Variants in CAST observed in about 807,000 individuals in gnomAD.
CAST encodes the protein MIR583 host.
CAST carries 76 observed loss-of-function variants against 119.6 expected under a neutral mutation model. That is an observed-to-expected ratio of 0.64 (90% CI 0.53 to 0.77). CAST has a LOEUF of 0.77. Ranked by LOEUF, CAST falls within the 30% of genes least tolerant of loss-of-function variation. The probability of loss-of-function intolerance (pLI) is 0.00; values close to 1 mark genes in which losing one functional copy is unlikely to be tolerated. For missense variants in CAST, 953 were observed against 946.5 expected (o/e 1.01, Z -0.09); for synonymous variants, 319 against 331.6 (o/e 0.96, Z 0.41).
At chr5:96,400,208 G>C in the CAST span, 5 of 1,536,484 alleles carry the variant, frequency 3.3e-6, no homozygotes, top group African/African-American at 5.4e-5. Context: ...GTGACCCAAA[G>C]TGTCTTTCAG....
intron 1 of CAST, among the ~76,000 whole-genome samples, chr5:96,551,754 G>A (rs1746130762): frequency 6.6e-6 from 1 of 151,972 alleles, no homozygotes; most frequent in Non-Finnish European, 1.5e-5. Flanking sequence ...GCAAGAAAAA[G>A]CAGGGGTTGC....
the CAST span, among the ~76,000 whole-genome samples, chr5:96,284,227 A>G: frequency 3.9e-5 from 6 of 152,332 alleles, no homozygotes; most frequent in African/African-American, 1.2e-4. Context: ...AAAAAGATCA[A>G]TTTGTGCCTC....
chr5:96,247,223 T>C, the CAST span, among the ~76,000 whole-genome samples: 1 of 152,214 alleles, frequency 6.6e-6, no homozygotes, highest in African/African-American at 2.4e-5. Flanking sequence ...CAGGCGGTGG[T>C]ACTAAATAGC....
At chr5:96,281,256 G>T in the CAST span, among the ~76,000 whole-genome samples, 2 of 152,166 alleles carry the variant, frequency 1.3e-5, no homozygotes, top group African/African-American at 2.4e-5. Flanking sequence ...AAGTAAATAG[G>T]CTGGCTTATT....
chr5:96,479,726 G>A, the CAST span, among the ~76,000 whole-genome samples: 2 of 152,076 alleles, frequency 1.3e-5, no homozygotes, highest in Non-Finnish European at 2.9e-5. Context: ...GGGATTACAG[G>A]TGTGAGCCAT....
the CAST span, among the ~76,000 whole-genome samples, chr5:96,107,784 G>T: frequency 1.3e-5 from 2 of 152,180 alleles, no homozygotes. Flanking sequence ...TTGTTAGATT[G>T]GGGAAGTTCT....
At chr5:96,734,381 G>T (rs531912936) in intron 9 of CAST, among the ~76,000 whole-genome samples, 1 of 152,358 alleles carries the variant, frequency 6.6e-6, no homozygotes, top group South Asian at 2.1e-4. Flanking sequence ...CAGTTAGGTG[G>T]ATGGGATAGA....
chr5:96,136,114 T>G, the CAST span, among the ~76,000 whole-genome samples: 1 of 152,214 alleles, frequency 6.6e-6, no homozygotes, highest in Non-Finnish European at 1.5e-5. Context: ...TTATTTGTAA[T>G]TCTTCTCTCA....
the CAST span, among the ~76,000 whole-genome samples, chr5:96,205,388 G>T: frequency 1.3e-5 from 2 of 152,034 alleles, no homozygotes; most frequent in Admixed American, 1.3e-4. Flanking sequence ...TGTGTTATGG[G>T]AGGGTAGTGT....
chr5:96,365,386 T>G, the CAST span, among the ~76,000 whole-genome samples: 3,166 of 152,286 alleles, frequency 0.021, 107 homozygotes, highest in African/African-American at 0.072. Flanking sequence ...CCTTGTTAAC[T>G]TTCTGTCTCG....
At chr5:96,632,768 C>T (rs6872743) in intron 1 of CAST, among the ~76,000 whole-genome samples, 3,567 of 151,924 alleles carry the variant, frequency 0.023, 50 homozygotes, top group Non-Finnish European at 0.026. Context: ...TGTGTGGACT[C>T]GCAGTTCTAT....
At chr5:96,710,567 A>G (rs2150355603) in intron 3 of CAST, among the ~76,000 whole-genome samples, 1 of 152,210 alleles carries the variant, frequency 6.6e-6, no homozygotes, top group Non-Finnish European at 1.5e-5. Context: ...TCTACCCGTT[A>G]TGTCAAGAAC....
chr5:96,669,703 C>G (rs1358120496), intron 1 of CAST, among the ~76,000 whole-genome samples: 1 of 152,172 alleles, frequency 6.6e-6, no homozygotes. Flanking sequence ...ACTGACCAAT[C>G]AGAGTTTACC....
At chr5:96,311,997 T>C in the CAST span, among the ~76,000 whole-genome samples, 1 of 152,100 alleles carries the variant, frequency 6.6e-6, no homozygotes, top group African/African-American at 2.4e-5. Context: ...GTTTCTTTTT[T>C]TCTCTCTTGC....
At chr5:96,324,149 T>C in the CAST span, among the ~76,000 whole-genome samples, 1 of 152,236 alleles carries the variant, frequency 6.6e-6, no homozygotes. Context: ...CTGATCTTTA[T>C]TTAATTCACC....
the CAST span, among the ~76,000 whole-genome samples, chr5:96,385,660 C>T: frequency 1.3e-5 from 2 of 152,118 alleles, no homozygotes; most frequent in South Asian, 2.1e-4. Flanking sequence ...TTTCAAATAA[C>T]AGAAAAGAAT....
chr5:96,709,721 C>T (rs984516299), intron 3 of CAST, among the ~76,000 whole-genome samples: 1 of 152,326 alleles, frequency 6.6e-6, no homozygotes, highest in Middle Eastern at 3.4e-3. Context: ...TCACTCTACA[C>T]ATGTTTTCAT....
the CAST span, among the ~76,000 whole-genome samples, chr5:96,068,881 A>G: frequency 6.6e-6 from 1 of 151,482 alleles, no homozygotes. Context: ...ATATACATAT[A>G]TACATACACC....
chr5:96,378,995 A>G, the CAST span, among the ~76,000 whole-genome samples: 1 of 152,182 alleles, frequency 6.6e-6, no homozygotes, highest in Non-Finnish European at 1.5e-5. Context: ...TAGTGACCTA[A>G]TAACATTCCA....
Sources: allele counts gnomAD v4.1 joint callset (sites outside exome capture counted in the v4.1 genomes callset), GRCh38; gene constraint gnomAD v4.1.1; transcripts MANE v1.5; gene names NCBI Gene and HGNC (gene_info 2026-07-23, HGNC 2026-07-21).